FRMD6: variants seen among roughly 807,000 people sequenced by gnomAD.
The protein encoded by FRMD6 is FERM domain-containing protein 6.
A neutral mutation model predicts 73.2 loss-of-function variants in FRMD6; 37 were observed. The ratio of observed to expected loss-of-function variants is 0.51; its 90% CI spans 0.39 to 0.66. FRMD6 has a LOEUF of 0.66. Ranked by LOEUF, FRMD6 falls within the 30% of genes least tolerant of loss-of-function variation. The probability of loss-of-function intolerance (pLI) is 0.00; values close to 1 mark genes in which losing one functional copy is unlikely to be tolerated. For missense variants in FRMD6, 714 were observed against 780.5 expected, an observed-to-expected ratio of 0.91 and a Z score of 1.02; for synonymous variants, 273 against 282.2, an observed-to-expected ratio of 0.97 and a Z score of 0.33.
At chr14:51,507,658 TC>T (rs1884050028) in intron 1 of FRMD6, among the ~76,000 whole-genome samples, 2 of 152,028 alleles carry the variant, frequency 1.3e-5, no homozygotes, top group Admixed American at 6.5e-5. Context: ...CCCTCTCCCT[TC>T]CCCACTAATG....
intron 2 of FRMD6, among the ~76,000 whole-genome samples, chr14:51,598,888 T>C (rs75720812): frequency 0.083 from 12,681 of 152,084 alleles, 662 homozygotes; most frequent in African/African-American, 0.12. Context: ...TAAAATGATT[T>C]ATTTTCTTTT....
the FRMD6 span, among the ~76,000 whole-genome samples, chr14:51,455,037 A>G: frequency 6.6e-6 from 1 of 152,222 alleles, no homozygotes; most frequent in Non-Finnish European, 1.5e-5. Flanking sequence ...TTCTCAGGAC[A>G]AATAGGTAGT....
chr14:51,626,141 G>A (rs941786749), intron 2 of FRMD6, among the ~76,000 whole-genome samples: 5 of 152,172 alleles, frequency 3.3e-5, no homozygotes, highest in Non-Finnish European at 7.3e-5. Context: ...ATACTATGCA[G>A]CCATAAAAGG....
chr14:51,637,686 A>C (rs952517181), intron 2 of FRMD6: 1 of 152,258 alleles, frequency 6.6e-6, no homozygotes, highest in Non-Finnish European at 1.5e-5. Context: ...GAACAGAAAA[A>C]CATTTTCCCC....
the FRMD6 span, among the ~76,000 whole-genome samples, chr14:51,463,193 T>C: frequency 9.8e-5 from 15 of 152,354 alleles, no homozygotes; most frequent in South Asian, 3.1e-3. Flanking sequence ...AGGTAGCCAT[T>C]CACTAAGTAG....
intron 2 of FRMD6, among the ~76,000 whole-genome samples, chr14:51,619,470 C>A (rs1031271544): frequency 1.3e-5 from 2 of 151,968 alleles, no homozygotes; most frequent in African/African-American, 4.8e-5. Context: ...CAAATAGTTA[C>A]CCTTTGGAAG....
At chr14:51,448,144 T>C in the FRMD6 span, among the ~76,000 whole-genome samples, 1 of 152,250 alleles carries the variant, frequency 6.6e-6, no homozygotes, top group South Asian at 2.1e-4. Context: ...TTTTTTGGAA[T>C]TCCTAATGTT....
intron 2 of FRMD6, among the ~76,000 whole-genome samples, chr14:51,591,448 G>C (rs1889389597): frequency 6.6e-6 from 1 of 152,180 alleles, no homozygotes; most frequent in South Asian, 2.1e-4. Context: ...ATGAAAGATA[G>C]ACCAGCATTA....
chr14:51,618,487 C>T (rs534881420), intron 2 of FRMD6, among the ~76,000 whole-genome samples: 54 of 152,222 alleles, frequency 3.5e-4, no homozygotes, highest in African/African-American at 1.1e-3. Flanking sequence ...AGACCTGTTG[C>T]GAGACTACTG....
chr14:51,581,263 A>T (rs915941296), intron 2 of FRMD6, among the ~76,000 whole-genome samples: 13 of 151,796 alleles, frequency 8.6e-5, no homozygotes, highest in Non-Finnish European at 1.9e-4. Context: ...TTTATCTACT[A>T]CCTCCTCTCC....
chr14:51,673,349 G>A (rs924035417), intron 1 of FRMD6, among the ~76,000 whole-genome samples: 1 of 152,130 alleles, frequency 6.6e-6, no homozygotes, highest in South Asian at 2.1e-4. Flanking sequence ...CCTCTATCTG[G>A]GTTCCCCTAC....
At chr14:51,580,466 C>T (rs1888657994) in intron 2 of FRMD6, among the ~76,000 whole-genome samples, 1 of 152,100 alleles carries the variant, frequency 6.6e-6, no homozygotes, top group African/African-American at 2.4e-5. Flanking sequence ...CTTATTATTC[C>T]TATTTTACAA....
intron 1 of FRMD6, among the ~76,000 whole-genome samples, chr14:51,522,170 T>C (rs1316581894): frequency 6.6e-6 from 1 of 152,194 alleles, no homozygotes; most frequent in African/African-American, 2.4e-5. Context: ...ACCTTAAACA[T>C]ACCTCATACT....
At chr14:51,686,281 T>C (rs1895146417) in intron 1 of FRMD6, among the ~76,000 whole-genome samples, 1 of 152,132 alleles carries the variant, frequency 6.6e-6, no homozygotes. Context: ...TACATGATTA[T>C]GGTATATTTG....
At chr14:51,415,417 G>A in the FRMD6 span, among the ~76,000 whole-genome samples, 2 of 152,162 alleles carry the variant, frequency 1.3e-5, no homozygotes, top group African/African-American at 4.8e-5. Context: ...GATAATTGTG[G>A]TTTTTGTCGC....
chr14:51,720,342 G>A lies in FRMD6; in HGVS notation c.1312G>A (p.Val438Met). The A allele has an allele frequency of 6.2e-7, 1 of 1,613,846 alleles. No homozygotes were observed. The highest frequency in any genetic ancestry group is 1.7e-5 in the Admixed American group (1 of 60,028). ...TSHGSSHTSG[V>M]ESGGKDRLEE... ...TCATGGCAGCTCCCACACCTCAGGGGTGGAGAGTGGCGGCAAAGACCGGCT... is the reference window on the plus strand; with the variant it reads ...TCATGGCAGCTCCCACACCTCAGGGATGGAGAGTGGCGGCAAAGACCGGCT... Residue 438 changes from valine (V) to methionine (M), a missense_variant, in exon 11 of 14, where the codon GTG becomes ATG. Physicochemically the swap from Val to Met is conservative, Grantham distance 21. Transcript: ENST00000344768.
the FRMD6 span, chr14:51,436,867 A>G: frequency 1.3e-6 from 1 of 750,588 alleles, no homozygotes; most frequent in East Asian, 3.5e-5. Flanking sequence ...AGAAAGGATT[A>G]GAAGGTATTG....
chr14:51,544,769 A>G (rs1886379759), intron 1 of FRMD6, among the ~76,000 whole-genome samples: 1 of 152,082 alleles, frequency 6.6e-6, no homozygotes, highest in Non-Finnish European at 1.5e-5. Flanking sequence ...TTGCGAGCCA[A>G]GAGAGACTTT....
At chr14:51,553,745 G>T (rs967311523) in intron 1 of FRMD6, among the ~76,000 whole-genome samples, 1 of 152,140 alleles carries the variant, frequency 6.6e-6, no homozygotes, top group Non-Finnish European at 1.5e-5. Flanking sequence ...TTTTTCTAAC[G>T]CTGCTTTGGT....
Sources: allele counts gnomAD v4.1 joint callset (sites outside exome capture counted in the v4.1 genomes callset), GRCh38; gene constraint gnomAD v4.1.1; transcripts MANE v1.5; gene names NCBI Gene and HGNC (gene_info 2026-07-23, HGNC 2026-07-21).